The following GSE1 variants were observed in gnomAD, a reference collection of about 807,000 sequenced individuals.
The protein encoded by GSE1 is genetic suppressor element 1.
GSE1 carries 32 observed loss-of-function variants against 112.6 expected under a neutral mutation model. That is an observed-to-expected ratio of 0.28 (90% CI 0.21 to 0.38). GSE1 has a LOEUF of 0.38. GSE1 is among the 10% of genes least tolerant of loss of function. GSE1 has a pLI of 1.00. For missense variants in GSE1, 2,348 were observed against 1,699.2 expected, an observed-to-expected ratio of 1.38 and a Z score of -6.71; for synonymous variants, 1,115 against 735.6, an observed-to-expected ratio of 1.52 and a Z score of -8.35.
At chr16:85,569,847 C>G (rs2045909973) in intron 1 of GSE1, among the ~76,000 whole-genome samples, 1 of 152,182 alleles carries the variant, frequency 6.6e-6, no homozygotes, top group South Asian at 2.1e-4. Flanking sequence ...CTTGCACCTG[C>G]CCACCGCCTG....
chr16:85,304,956 A>C (rs2045636699), intron 1 of GSE1, among the ~76,000 whole-genome samples: 1 of 152,214 alleles, frequency 6.6e-6, no homozygotes, highest in African/African-American at 2.4e-5. Flanking sequence ...TGTCCAACCC[A>C]GTGTGGGACC....
exon 1 of GSE1, chr16:85,171,651 A>G (rs377482597): frequency 2.1e-5 from 21 of 985,376 alleles, no homozygotes; most frequent in African/African-American, 1.2e-4. Context: ...CCCTGTTCCT[A>G]TACACCCTGC....
At chr16:85,265,075 C>T (rs1457502667) in intron 1 of GSE1, among the ~76,000 whole-genome samples, 5 of 152,182 alleles carry the variant, frequency 3.3e-5, no homozygotes, top group African/African-American at 7.2e-5. Flanking sequence ...ACGCAGTAAA[C>T]GCGCACTCTT....
chr16:85,545,775 T>G (rs1359017756), intron 2 of GSE1, among the ~76,000 whole-genome samples: 1 of 135,210 alleles, frequency 7.4e-6, no homozygotes, highest in Admixed American at 7.4e-5. Context: ...TTTTTTGGTT[T>G]GTTTGTTTGT....
In GSE1 at chr16:85,656,789, C is replaced by G. The variant is rs73253220; in HGVS notation, c.1312+124C>G. On this transcript the variant is annotated intron_variant, in intron 7 of 15. Transcript: ENST00000253458. ...TCCCCAGCTGAGTTCGCCCTAAAAG[C>G]GTGGTGTGGCTGAACATGGAGTAGG... is the stretch of plus-strand genomic sequence containing the variant. 0.01 allele frequency: 13,289 copies of G among 1,327,266 alleles called. 1,134 individuals are homozygous for G. In the African/African-American group the frequency reaches 0.18, roughly 18 times the overall value. 82.2% of individuals were successfully genotyped at this position (1,327,266 alleles called of 1,614,324 possible).
intron 1 of GSE1, among the ~76,000 whole-genome samples, chr16:85,231,167 CAGAT>C (rs1464357583): frequency 2.0e-4 from 22 of 111,772 alleles, no homozygotes; most frequent in Admixed American, 1.4e-3. Context: ...GATAGAAGGA[CAGAT>C]GGATGGATGG....
chr16:85,545,743 T>C (rs1342867485), intron 2 of GSE1, among the ~76,000 whole-genome samples: 4 of 152,150 alleles, frequency 2.6e-5, no homozygotes, highest in Non-Finnish European at 5.9e-5. Context: ...TAGAGACCTA[T>C]GGGTATGTGT....
intron 2 of GSE1, among the ~76,000 whole-genome samples, chr16:85,379,901 G>GC (rs1342632421): frequency 6.6e-6 from 1 of 152,214 alleles, no homozygotes; most frequent in African/African-American, 2.4e-5. Flanking sequence ...CCATTAGCTG[G>GC]CCCCTTGGCC....
intron 1 of GSE1, chr16:85,285,697 A>AAAAAGAAAG (rs1555552852): frequency 9.1e-5 from 14 of 153,058 alleles, no homozygotes; most frequent in African/African-American, 3.4e-4. Flanking sequence ...AAAAAAAAAA[A>AAAAAGAAAG]AAAGAAAGAA....
At chr16:85,661,887 GC>G in intron 9 of GSE1, 122 bp downstream of exon 9, 2 of 985,832 alleles carry the variant, frequency 2.0e-6, no homozygotes, top group Non-Finnish European at 2.9e-6. Flanking sequence ...GTAGTCCCAG[GC>G]CCCAGGTGGC....
In GSE1 at chr16:85,361,484, C is replaced by T. The variant is rs1032864471; in HGVS notation, c.2464+3841C>T. 2.0e-5 allele frequency among the ~76,000 whole-genome samples: 3 copies of T among 152,336 alleles called. No homozygotes were observed. In the South Asian group the frequency reaches 6.2e-4, roughly 32 times the overall value. ...TCTTTCCAGGCCACGGCCTCAGGGG[C>T]ACTGAGCCCTCTCAGCCCTCTCTGC... is the stretch of plus-strand genomic sequence containing the variant. On this transcript the variant is annotated intron_variant, in intron 2 of 2. Transcript: ENST00000637419.
intron 1 of GSE1, among the ~76,000 whole-genome samples, chr16:85,351,770 A>G (rs562114762): frequency 2.0e-5 from 3 of 152,202 alleles, no homozygotes; most frequent in Non-Finnish European, 4.4e-5. Context: ...CAGGCGGATC[A>G]CCTGAAGTCA....
At chr16:85,352,455 GC>G (rs2046869687) in intron 1 of GSE1, among the ~76,000 whole-genome samples, 1 of 152,294 alleles carries the variant, frequency 6.6e-6, no homozygotes, top group Admixed American at 6.5e-5. Context: ...GCTCTGAGAT[GC>G]CATGTTCTCC....
At chr16:85,229,860 T>C (rs2075551936) in intron 1 of GSE1, among the ~76,000 whole-genome samples, 1 of 152,236 alleles carries the variant, frequency 6.6e-6, no homozygotes, top group South Asian at 2.1e-4. Flanking sequence ...TCTCACACGA[T>C]AGCATCCAAA....
chr16:85,362,697 C>A (rs2047106888), intron 2 of GSE1, among the ~76,000 whole-genome samples: 1 of 152,200 alleles, frequency 6.6e-6, no homozygotes, highest in Admixed American at 6.5e-5. Context: ...TTATTGTGGT[C>A]TCTGTGAATG....
chr16:85,553,444 G>A (rs2045034987), upstream of GSE1, among the ~76,000 whole-genome samples: 1 of 151,744 alleles, frequency 6.6e-6, no homozygotes, highest in East Asian at 1.9e-4. Context: ...TTGGCGGCGG[G>A]CGCGGGCGGC....
At chr16:85,437,135 G>A (rs2049266771) in intron 2 of GSE1, among the ~76,000 whole-genome samples, 1 of 152,118 alleles carries the variant, frequency 6.6e-6, no homozygotes, top group African/African-American at 2.4e-5. Flanking sequence ...GGGGCGACGA[G>A]GCGGCCTGCC....
At chr16:85,255,504 C>G (rs1461063067) in intron 1 of GSE1, among the ~76,000 whole-genome samples, 1 of 151,804 alleles carries the variant, frequency 6.6e-6, no homozygotes, top group Non-Finnish European at 1.5e-5. Flanking sequence ...TTTTGCCTCC[C>G]GGGTTCAAGT....
chr16:85,337,541 G>A (rs1190297525), intron 1 of GSE1, among the ~76,000 whole-genome samples: 4 of 151,982 alleles, frequency 2.6e-5, no homozygotes, highest in Admixed American at 2.6e-4. Context: ...TCCTGACCTC[G>A]TGATCCGCCC....
Sources: gnomAD v4.1 joint callset for allele counts (sites outside exome capture counted in the v4.1 genomes callset) on GRCh38, gnomAD v4.1.1 for gene constraint, MANE v1.5 for transcripts, NCBI Gene and HGNC (gene_info 2026-07-23, HGNC 2026-07-21) for gene names.